Variants in MTUS2 observed in about 807,000 individuals in gnomAD.
MTUS2 encodes microtubule-associated tumor suppressor candidate 2.
A neutral mutation model predicts 114.1 loss-of-function variants in MTUS2; 40 were observed. The observed-to-expected ratio is 0.35, with a 90% CI of 0.27 to 0.46. The LOEUF (loss-of-function observed/expected upper bound fraction) is 0.46, where lower values mean the gene tolerates loss of function less well. Ranked by LOEUF, MTUS2 falls within the 20% of genes least tolerant of loss-of-function variation. MTUS2 has a pLI of 1.00. For missense variants in MTUS2, 1,679 were observed against 1,705.4 expected (o/e 0.98, Z 0.27); for synonymous variants, 688 against 672.0 (o/e 1.02, Z -0.37).
intron 8 of MTUS2, among the ~76,000 whole-genome samples, chr13:29,369,124 A>T (rs1209952216): frequency 6.6e-6 from 1 of 152,042 alleles, no homozygotes; most frequent in Non-Finnish European, 1.5e-5. Context: ...GCGGGAAAAA[A>T]AAGGTTACAG....
intron 6 of MTUS2, among the ~76,000 whole-genome samples, chr13:29,318,525 T>A (rs1900117066): frequency 1.3e-5 from 2 of 152,138 alleles, no homozygotes; most frequent in South Asian, 2.1e-4. Context: ...CCTCATTTTT[T>A]AAAATCTATA....
At chr13:29,458,946 C>T (rs932640133) in intron 9 of MTUS2, among the ~76,000 whole-genome samples, 1 of 152,232 alleles carries the variant, frequency 6.6e-6, no homozygotes, top group Admixed American at 6.5e-5. Context: ...AGGGACTCAT[C>T]GCCACTGTCC....
At chr13:29,244,626 C>T (rs1896844037) in intron 5 of MTUS2, among the ~76,000 whole-genome samples, 1 of 152,100 alleles carries the variant, frequency 6.6e-6, no homozygotes, top group Admixed American at 6.5e-5. Context: ...AGGTGCAGTG[C>T]TTGACTGTGG....
chr13:29,491,612 ATAGTGTGTGTATGTGATTAG>A (rs1284598354), intron 11 of MTUS2, among the ~76,000 whole-genome samples: 2 of 134,938 alleles, frequency 1.5e-5, no homozygotes, highest in African/African-American at 2.9e-5. Context: ...TGTGTGGCAT[ATAGTGTGTGTATGTGATTAG>A]TAGGTGTGTA....
intron 5 of MTUS2, among the ~76,000 whole-genome samples, chr13:29,228,305 G>T (rs1261114595): frequency 6.6e-6 from 1 of 152,124 alleles, no homozygotes; most frequent in Non-Finnish European, 1.5e-5. Flanking sequence ...AAAGTAAAAT[G>T]CAAGAAAGTG....
chr13:29,312,018 C>T (rs577990506), intron 6 of MTUS2, among the ~76,000 whole-genome samples: 29 of 152,296 alleles, frequency 1.9e-4, no homozygotes, highest in East Asian at 1.7e-3. Context: ...CCCTTCACTC[C>T]GGTACCTTTG....
intron 5 of MTUS2, among the ~76,000 whole-genome samples, chr13:29,220,449 G>A (rs1036514772): frequency 2.6e-5 from 4 of 152,204 alleles, no homozygotes; most frequent in African/African-American, 7.2e-5. Flanking sequence ...TGGAGTTCAA[G>A]TAAGAGATAT....
intron 5 of MTUS2, among the ~76,000 whole-genome samples, chr13:29,278,417 G>A (rs191772304): frequency 4.6e-5 from 7 of 152,178 alleles, no homozygotes; most frequent in Non-Finnish European, 8.8e-5. Flanking sequence ...TAAAGAATGT[G>A]TCCAGATTAT....
chr13:28,930,569 T>TA (rs1347999625), intron 2 of MTUS2, among the ~76,000 whole-genome samples: 4 of 151,140 alleles, frequency 2.6e-5, no homozygotes, highest in Non-Finnish European at 3.0e-5. Context: ...ACTCAGTGCA[T>TA]AGGGCAGTGG....
intron 8 of MTUS2, among the ~76,000 whole-genome samples, chr13:29,387,421 G>A (rs1217557722): frequency 6.6e-6 from 1 of 152,174 alleles, no homozygotes; most frequent in Non-Finnish European, 1.5e-5. Context: ...GCTGGACTAG[G>A]CAGGGGCATA....
chr13:29,203,231 G>A (rs1895035875), intron 5 of MTUS2, among the ~76,000 whole-genome samples: 1 of 152,230 alleles, frequency 6.6e-6, no homozygotes, highest in Non-Finnish European at 1.5e-5. Flanking sequence ...AATCTAGAGA[G>A]GCAGTCTGGC....
Position 29,389,366 on chromosome 13 carries a change from C to CATAT in MTUS2, c.3117+29893_3117+29894insATAT, listed in dbSNP as rs1555272401. On this transcript the variant is annotated intron_variant, in intron 8 of 15. Transcript: ENST00000612955. ...GCACGTGTGTGTATATATGTATGCA[C>CATAT]GTGTGTGTATATATGTATACACGTG... Among the ~76,000 whole-genome samples the CATAT allele has an allele frequency of 1.7e-4, 10 of 57,962 alleles. 1 individual carries two copies. In the East Asian group the frequency reaches 1.8e-3, roughly 11 times the overall value. The allele number at this position is 57,962 out of a possible 152,430, so 38.0% of individuals were successfully genotyped here.
chr13:29,410,895 G>A (rs376243623), intron 8 of MTUS2, among the ~76,000 whole-genome samples: 24 of 152,158 alleles, frequency 1.6e-4, no homozygotes, highest in African/African-American at 5.1e-4. Context: ...GCAGTGGCAC[G>A]ATCTCGGCTC....
chr13:28,983,975 A>G (rs1310910708), intron 2 of MTUS2, among the ~76,000 whole-genome samples: 2 of 151,350 alleles, frequency 1.3e-5, no homozygotes, highest in Non-Finnish European at 1.5e-5. Context: ...CTGTCTCTCC[A>G]CTCTCTGCTT....
intron 6 of MTUS2, among the ~76,000 whole-genome samples, chr13:29,287,864 C>T (rs539216007): frequency 6.6e-6 from 1 of 152,190 alleles, no homozygotes; most frequent in African/African-American, 2.4e-5. Flanking sequence ...GACACGATTC[C>T]TGTCCCCACA....
At chr13:29,297,525 C>T (rs1394804547) in intron 6 of MTUS2, among the ~76,000 whole-genome samples, 1 of 152,156 alleles carries the variant, frequency 6.6e-6, no homozygotes, top group African/African-American at 2.4e-5. Context: ...AACCTATAGA[C>T]CTAACTTCTG....
At chr13:28,836,988 G>T (rs76221930) in intron 1 of MTUS2, among the ~76,000 whole-genome samples, 4,627 of 152,270 alleles carry the variant, frequency 0.03, 79 homozygotes, top group Non-Finnish European at 0.038. Context: ...CTCCTATTCT[G>T]CAACATTGGG....
intron 2 of MTUS2, among the ~76,000 whole-genome samples, chr13:29,017,478 A>G (rs1250131041): frequency 2.0e-5 from 3 of 152,362 alleles, no homozygotes; most frequent in East Asian, 1.9e-4. Flanking sequence ...GTACTTCTCA[A>G]TCTTTCGAAA....
chr13:29,316,376 A>G (rs1899989588), intron 6 of MTUS2, among the ~76,000 whole-genome samples: 2 of 152,300 alleles, frequency 1.3e-5, no homozygotes, highest in South Asian at 4.1e-4. Context: ...GAAGCATCAG[A>G]GGTAGAAAGG....
Sources: allele counts gnomAD v4.1 joint callset (sites outside exome capture counted in the v4.1 genomes callset), GRCh38; gene constraint gnomAD v4.1.1; transcripts MANE v1.5; gene names NCBI Gene and HGNC (gene_info 2026-07-23, HGNC 2026-07-21).